Variants in NTN1 observed in about 807,000 individuals in gnomAD.
NTN1 encodes netrin 1.
NTN1 carries 11 observed loss-of-function variants against 54.2 expected under a neutral mutation model. The ratio of observed to expected loss-of-function variants is 0.20; its 90% CI spans 0.13 to 0.34. The LOEUF (loss-of-function observed/expected upper bound fraction) is 0.34. NTN1 is among the 10% of genes least tolerant of loss of function. The probability of loss-of-function intolerance (pLI) is 1.00; values close to 1 mark genes in which losing one functional copy is unlikely to be tolerated. For missense variants in NTN1, 740 were observed against 893.1 expected, an observed-to-expected ratio of 0.83 and a Z score of 2.18; for synonymous variants, 371 against 382.0, an observed-to-expected ratio of 0.97 and a Z score of 0.33.
intron 2 of NTN1, among the ~76,000 whole-genome samples, chr17:9,118,407 A>G (rs769155100): frequency 1.3e-5 from 2 of 152,166 alleles, no homozygotes; most frequent in Non-Finnish European, 2.9e-5. Flanking sequence ...AGTCCCAGCT[A>G]TCCGGGAGGC....
intron 5 of NTN1, among the ~76,000 whole-genome samples, chr17:9,187,484 G>A (rs1181633019): frequency 6.6e-6 from 1 of 152,052 alleles, no homozygotes; most frequent in East Asian, 1.9e-4. Flanking sequence ...ACAGAATGTG[G>A]CATATCTATA....
In NTN1 at chr17:9,064,554, C is replaced by T. The variant is rs188345800; in HGVS notation, c.1018+41163C>T. On this transcript the variant is annotated intron_variant, in intron 2 of 6. Transcript: ENST00000173229. ...TCCCCCATCCCCAATCAGTTCCTCC[C>T]TGAGTCTGATGAGTACCATCCCCTA... Among the ~76,000 whole-genome samples, 57 of 152,348 alleles carry T rather than the reference C, an allele frequency of 3.7e-4. 2 individuals are homozygous for T. Among genetic ancestry groups the T allele is most frequent in the Admixed American group, 3.3e-3 (51 of 15,300 alleles).
At position 9,176,882 on chromosome 17, in the gene NTN1, GCCT is replaced by G. The variant is rs1354305878; in HGVS notation, c.1208-2920_1208-2918del. On this transcript the variant is annotated intron_variant, in intron 3 of 6. Coordinates refer to ENST00000173229, the MANE Select transcript of NTN1 (RefSeq NM_004822.3). ...CTGCAGTTGTCTTTTCTGGTCCCTG[GCCT>G]CCTCTGTGCTGTCACGCGCATTTCA... 2.0e-5 allele frequency: 3 copies of G among 152,306 alleles called. No individual in the cohort carries two copies. The East Asian group carries it at 5.8e-4, about 29-fold the overall frequency. 9.4% of individuals were successfully genotyped at this position (152,306 alleles called of 1,614,324 possible).
chr17:9,127,077 G>GT (rs1555570082), intron 2 of NTN1, among the ~76,000 whole-genome samples: 23 of 145,776 alleles, frequency 1.6e-4, no homozygotes, highest in African/African-American at 4.8e-4. Context: ...GGGCCGGGGG[G>GT]GGGCAGGACA....
chr17:9,032,539 T>C (rs1381588628), intron 2 of NTN1, among the ~76,000 whole-genome samples: 1 of 152,224 alleles, frequency 6.6e-6, no homozygotes, highest in Non-Finnish European at 1.5e-5. Context: ...CGAGGACTCA[T>C]CTCCGTCACA....
At chr17:9,191,673 C>T (rs1904461150) in intron 5 of NTN1, among the ~76,000 whole-genome samples, 1 of 151,966 alleles carries the variant, frequency 6.6e-6, no homozygotes. Context: ...GTACAAATGG[C>T]AATATGCATA....
intron 3 of NTN1, among the ~76,000 whole-genome samples, chr17:9,172,489 A>G (rs1036505859): frequency 1.3e-5 from 2 of 151,788 alleles, no homozygotes; most frequent in African/African-American, 4.8e-5. Context: ...AAAAAAAGAG[A>G]AGCTCCTTCT....
chr17:9,083,821 T>A (rs2092081368), intron 2 of NTN1, among the ~76,000 whole-genome samples: 1 of 152,202 alleles, frequency 6.6e-6, no homozygotes, highest in African/African-American at 2.4e-5. Context: ...CCCATGTAAT[T>A]CAAGCCATTT....
chr17:9,096,703 CT>C (rs2092133201), intron 2 of NTN1, among the ~76,000 whole-genome samples: 1 of 152,176 alleles, frequency 6.6e-6, no homozygotes, highest in South Asian at 2.1e-4. Context: ...ATAATTCTGC[CT>C]TTTTCTTTTC....
intron 5 of NTN1, among the ~76,000 whole-genome samples, chr17:9,197,273 C>T (rs143167351): frequency 6.0e-4 from 92 of 152,204 alleles, no homozygotes; most frequent in Admixed American, 9.2e-4. Context: ...CACTTTACCA[C>T]GGTCCTTCAA....
At chr17:9,104,131 CACTTATAGG>C (rs1490365020) in intron 2 of NTN1, among the ~76,000 whole-genome samples, 1 of 147,602 alleles carries the variant, frequency 6.8e-6, no homozygotes, top group African/African-American at 2.5e-5. Flanking sequence ...CGTATGATTC[CACTTATAGG>C]ACGCACCTAG....
chr17:9,031,641 G>C (rs2151509867), intron 2 of NTN1, among the ~76,000 whole-genome samples: 1 of 152,216 alleles, frequency 6.6e-6, no homozygotes. Context: ...TTTGGTCTGG[G>C]CATGTAAAGA....
chr17:9,014,126 AATGG>A, the NTN1 span, among the ~76,000 whole-genome samples: 3 of 152,268 alleles, frequency 2.0e-5, no homozygotes, highest in Admixed American at 2.0e-4. Context: ...ACGTTGGGGA[AATGG>A]ATATCTCCAG....
intron 2 of NTN1, among the ~76,000 whole-genome samples, chr17:9,024,315 G>A (rs780180260): frequency 2.0e-5 from 3 of 152,186 alleles, no homozygotes; most frequent in South Asian, 4.1e-4. Context: ...AAGAAAAAAA[G>A]GGTGAGGGGA....
At chr17:9,177,734 T>C (rs3785978) in intron 3 of NTN1, 65,978 of 152,050 alleles carry the variant, frequency 0.43, 15,329 homozygotes, top group East Asian at 0.76. Flanking sequence ...TAAGAGACCA[T>C]AGGGAAAGGT....
chr17:9,012,549 A>C, the NTN1 span, among the ~76,000 whole-genome samples: 7 of 151,326 alleles, frequency 4.6e-5, no homozygotes, highest in East Asian at 1.4e-3. Flanking sequence ...AAAAAAAAAA[A>C]CAAGCTCTGT....
chr17:9,034,397 A>T (rs868482168), intron 2 of NTN1, among the ~76,000 whole-genome samples: 2 of 150,654 alleles, frequency 1.3e-5, no homozygotes, highest in African/African-American at 4.9e-5. Flanking sequence ...TAGCGGCCCT[A>T]TCAGGGCTTG....
chr17:9,062,555 GA>G (rs909933787), intron 2 of NTN1, among the ~76,000 whole-genome samples: 6 of 151,394 alleles, frequency 4.0e-5, no homozygotes, highest in African/African-American at 1.2e-4. Flanking sequence ...TTTAGCTAAG[GA>G]AAAAAAAGCC....
At chr17:9,018,531 G>T (rs1256809020), upstream of NTN1, among the ~76,000 whole-genome samples, 1 of 151,566 alleles carries the variant, frequency 6.6e-6, no homozygotes, top group African/African-American at 2.4e-5. Context: ...CTACTTGGGA[G>T]GCTGAGGCAG....
Sources: allele counts gnomAD v4.1 joint callset (sites outside exome capture counted in the v4.1 genomes callset), GRCh38; gene constraint gnomAD v4.1.1; transcripts MANE v1.5; gene names NCBI Gene and HGNC (gene_info 2026-07-23, HGNC 2026-07-21).